FOCAD: variants seen among roughly 807,000 people sequenced by gnomAD.
FOCAD encodes focadhesin.
FOCAD carries 198 observed loss-of-function variants against 225.6 expected under a neutral mutation model. That is an observed-to-expected ratio of 0.88 (90% CI 0.78 to 0.99). FOCAD has a LOEUF of 0.99. FOCAD is among the 50% of genes least tolerant of loss of function. The pLI is 0.00. For synonymous variants in FOCAD, 897 were observed against 755.0 expected, an observed-to-expected ratio of 1.19 and a Z score of -3.08; for missense variants, 2,713 against 2,123.6, an observed-to-expected ratio of 1.28 and a Z score of -5.46.
rs183787113 is a variant in FOCAD at position 20,710,538 on chromosome 9, G to T, written c.-32-4784G>T. ...CTTGAACCCAGAGGTGGAGGCTGCA[G>T]TGAGCTGGTATCACGCCATTTCACT... On this transcript the variant is annotated intron_variant, in intron 1 of 43. Coordinates refer to ENST00000338382, the MANE Select transcript of FOCAD (RefSeq NM_001375567.1). Among the ~76,000 whole-genome samples the T allele has an allele frequency of 5.0e-4, 76 of 151,862 alleles. No individual in the cohort carries two copies. The East Asian group carries it at 0.01, about 20-fold the overall frequency.
At chr9:20,662,202 A>G (rs1372810341) in intron 2 of FOCAD, among the ~76,000 whole-genome samples, 1 of 147,762 alleles carries the variant, frequency 6.8e-6, no homozygotes, top group Non-Finnish European at 1.5e-5. Flanking sequence ...GTGTGTGCAT[A>G]TATGTGTGTG....
intron 24 of FOCAD, 112 bp from the exon 25 acceptor site, chr9:20,923,548 T>A: frequency 1.5e-6 from 1 of 683,964 alleles, no homozygotes; most frequent in Non-Finnish European, 2.5e-6. Context: ...TACAAGACTC[T>A]GTGAAGGAAC....
At chr9:20,746,104 A>C (rs1828013739) in intron 5 of FOCAD, among the ~76,000 whole-genome samples, 1 of 152,240 alleles carries the variant, frequency 6.6e-6, no homozygotes, top group East Asian at 1.9e-4. Flanking sequence ...GTCCAAGATA[A>C]ATACTGATTT....
chr9:20,853,124 T>C (rs1035087970), intron 15 of FOCAD, among the ~76,000 whole-genome samples: 6 of 151,746 alleles, frequency 4.0e-5, no homozygotes, highest in African/African-American at 1.4e-4. Flanking sequence ...AATAGATAAC[T>C]CATACAGACA....
chr9:20,702,500 A>G (rs1212941142), intron 1 of FOCAD, among the ~76,000 whole-genome samples: 1 of 152,174 alleles, frequency 6.6e-6, no homozygotes, highest in Non-Finnish European at 1.5e-5. Context: ...GTTTATATTC[A>G]TGCTTTTGCT....
chr9:20,931,514 G>A (rs1835469293), intron 27 of FOCAD, among the ~76,000 whole-genome samples: 1 of 152,158 alleles, frequency 6.6e-6, no homozygotes, highest in Admixed American at 6.6e-5. Context: ...TTCATCTTTG[G>A]AGAAAGTTTA....
chr9:20,900,404 C>G (rs538487591), intron 21 of FOCAD, among the ~76,000 whole-genome samples: 17 of 151,902 alleles, frequency 1.1e-4, no homozygotes, highest in African/African-American at 3.6e-4. Context: ...TACATTCTTT[C>G]TTCTTTTTTT....
chr9:20,976,531 T>C lies in FOCAD; in HGVS notation c.4244T>C (p.Leu1415Pro), dbSNP rs750912134. 1 of 1,612,972 alleles carries C rather than the reference T, an allele frequency of 6.2e-7. No individual in the cohort carries two copies. Among genetic ancestry groups the C allele is most frequent in the African/African-American group, 1.3e-5 (1 of 74,880 alleles). ...AACTGGGCTGCACTTCTCTCTCCACTTATGAGGCTAAATTTTGGTAAATAT... is the reference window on the plus strand; with the variant it reads ...AACTGGGCTGCACTTCTCTCTCCACCTATGAGGCTAAATTTTGGTAAATAT... The part of the protein sequence containing the change: ...PVNWAALLSP[L>P]MRLNFGEEIQ... The change falls in exon 36 of 44, where the codon CTT becomes CCT. Residue 1415 changes from leucine (L) to proline (P), a missense_variant. Leu to Pro is a moderately conservative substitution (Grantham distance 98, BLOSUM62 -3). Coordinates refer to ENST00000338382, the MANE Select transcript of FOCAD (RefSeq NM_001375567.1).
chr9:20,797,107 G>A (rs1444754623), intron 11 of FOCAD, among the ~76,000 whole-genome samples: 1 of 152,182 alleles, frequency 6.6e-6, no homozygotes, highest in Non-Finnish European at 1.5e-5. Context: ...TGTGAGGTCT[G>A]TCAAAGACCA....
At chr9:20,891,403 G>A (rs1831602364) in intron 21 of FOCAD, among the ~76,000 whole-genome samples, 1 of 152,174 alleles carries the variant, frequency 6.6e-6, no homozygotes, top group Non-Finnish European at 1.5e-5. Context: ...TGAAAGCTAG[G>A]CTTCTTGCAC....
intron 1 of FOCAD, among the ~76,000 whole-genome samples, chr9:20,709,129 T>A (rs1306357714): frequency 6.6e-6 from 1 of 152,226 alleles, no homozygotes; most frequent in Non-Finnish European, 1.5e-5. Context: ...ATTGATAGAT[T>A]AATTTTCTTG....
chr9:20,769,948 C>T, intron 7 of FOCAD, 84 bp from the exon 8 acceptor site: 1 of 1,266,100 alleles, frequency 7.9e-7, no homozygotes, highest in Non-Finnish European at 1.1e-6. Context: ...GAAAAAATTA[C>T]ATTGTTCAAA....
chr9:20,966,221 C>T (rs928630915), intron 35 of FOCAD, among the ~76,000 whole-genome samples: 3 of 152,028 alleles, frequency 2.0e-5, no homozygotes, highest in Non-Finnish European at 4.4e-5. Flanking sequence ...TTATCATTGC[C>T]AACTAATTGG....
chr9:20,830,295 A>G (rs1453770830), intron 15 of FOCAD, among the ~76,000 whole-genome samples: 2 of 152,028 alleles, frequency 1.3e-5, no homozygotes, highest in South Asian at 2.1e-4. Context: ...TTAATGAAAA[A>G]GATGTTTTGA....
chr9:20,849,348 A>G (rs529565904), intron 15 of FOCAD, among the ~76,000 whole-genome samples: 6 of 150,276 alleles, frequency 4.0e-5, no homozygotes, highest in Non-Finnish European at 7.4e-5. Context: ...CCTTTCCCCC[A>G]ACAGTTACTG....
intron 11 of FOCAD, among the ~76,000 whole-genome samples, chr9:20,800,251 C>G (rs1443303051): frequency 1.3e-5 from 2 of 152,044 alleles, no homozygotes; most frequent in Non-Finnish European, 2.9e-5. Context: ...TTGTGGGTAT[C>G]CCGACCTTTC....
intron 22 of FOCAD, among the ~76,000 whole-genome samples, chr9:20,910,417 G>A: frequency 6.6e-6 from 1 of 152,054 alleles, no homozygotes; most frequent in East Asian, 1.9e-4. Flanking sequence ...CCAGAAATCA[G>A]AGCCCAGATC....
At chr9:20,987,651 A>G (rs986826546) in intron 40 of FOCAD, among the ~76,000 whole-genome samples, 5 of 152,240 alleles carry the variant, frequency 3.3e-5, no homozygotes, top group African/African-American at 1.2e-4. Flanking sequence ...AAGTGTATGT[A>G]TCAGGAAGAA....
upstream of FOCAD, chr9:20,658,228 T>G (rs1000849541): frequency 2.0e-5 from 3 of 153,048 alleles, no homozygotes; most frequent in Non-Finnish European, 4.4e-5. Context: ...CTGCTGTCTT[T>G]TTGTTTGTCT....
Sources: allele counts gnomAD v4.1 joint callset (sites outside exome capture counted in the v4.1 genomes callset), GRCh38; gene constraint gnomAD v4.1.1; transcripts MANE v1.5; gene names NCBI Gene and HGNC (gene_info 2026-07-23, HGNC 2026-07-21).